RALGPS2: variants seen among roughly 807,000 people sequenced by gnomAD.
The protein encoded by RALGPS2 is ras-specific guanine nucleotide-releasing factor RalGPS2.
RALGPS2 carries 43 observed loss-of-function variants against 86.8 expected under a neutral mutation model. The ratio of observed to expected loss-of-function variants is 0.50; its 90% CI spans 0.39 to 0.64. The LOEUF is 0.64. RALGPS2 is among the 30% of genes least tolerant of loss of function. The pLI is 0.00. For missense variants in RALGPS2, 536 were observed against 694.6 expected, an observed-to-expected ratio of 0.77 and a Z score of 2.57; for synonymous variants, 243 against 231.3, an observed-to-expected ratio of 1.05 and a Z score of -0.46.
chr1:178,765,669 G>T (rs1652467794), intron 1 of RALGPS2, among the ~76,000 whole-genome samples: 2 of 152,172 alleles, frequency 1.3e-5, no homozygotes, highest in South Asian at 4.1e-4. Flanking sequence ...ATAAGCCTGA[G>T]AGCGCTATGG....
chr1:178,784,549 G>A (rs764098442), intron 3 of RALGPS2, 27 bp downstream of exon 3: 12 of 1,501,888 alleles, frequency 8.0e-6, no homozygotes, highest in African/African-American at 2.8e-5. Context: ...TGTCTTCTCC[G>A]GTTTTGCACA....
chr1:178,744,214 G>C (rs999174198), intron 1 of RALGPS2, among the ~76,000 whole-genome samples: 4 of 151,548 alleles, frequency 2.6e-5, no homozygotes, highest in African/African-American at 9.7e-5. Context: ...AAAAGCAATC[G>C]TTGTAATTCA....
intron 8 of RALGPS2, among the ~76,000 whole-genome samples, chr1:178,847,907 A>G (rs1656945152): frequency 6.6e-6 from 1 of 152,190 alleles, no homozygotes; most frequent in South Asian, 2.1e-4. Flanking sequence ...GCATTTTCCA[A>G]AATCTCAAAT....
At chr1:178,879,067 A>C in intron 10 of RALGPS2, 75 bp downstream of exon 10, 1 of 1,543,992 alleles carries the variant, frequency 6.5e-7, no homozygotes, top group Non-Finnish European at 8.7e-7. Flanking sequence ...GTATTTAAAC[A>C]TCTAAATCCT....
At chr1:178,911,325 T>C (rs935772012) in intron 19 of RALGPS2, among the ~76,000 whole-genome samples, 3 of 152,120 alleles carry the variant, frequency 2.0e-5, no homozygotes, top group African/African-American at 7.2e-5. Flanking sequence ...TGTTTTGTTT[T>C]TCTAGTTCCT....
At chr1:178,883,751 C>G (rs1485849872) in intron 11 of RALGPS2, among the ~76,000 whole-genome samples, 2 of 152,090 alleles carry the variant, frequency 1.3e-5, no homozygotes, top group African/African-American at 4.8e-5. Flanking sequence ...TTTGGGAGGC[C>G]GAGGCGGGCG....
At chr1:178,741,274 A>G (rs1333142560) in intron 1 of RALGPS2, among the ~76,000 whole-genome samples, 1 of 152,222 alleles carries the variant, frequency 6.6e-6, no homozygotes, top group African/African-American at 2.4e-5. Context: ...TGTTACTTTC[A>G]TTGTAAAGAT....
intron 10 of RALGPS2, among the ~76,000 whole-genome samples, chr1:178,883,063 T>TG (rs1659328683): frequency 6.6e-6 from 1 of 152,228 alleles, no homozygotes. Context: ...TTGGCAACTT[T>TG]GGGGTAATTG....
chr1:178,796,803 C>T (rs1053673321), intron 4 of RALGPS2, among the ~76,000 whole-genome samples: 1 of 152,044 alleles, frequency 6.6e-6, no homozygotes, highest in Non-Finnish European at 1.5e-5. Flanking sequence ...TTTTGCCCTC[C>T]CTGTGCTTCC....
chr1:178,893,258 T>TA (rs1295831938), intron 15 of RALGPS2, among the ~76,000 whole-genome samples: 4 of 151,500 alleles, frequency 2.6e-5, no homozygotes, highest in East Asian at 1.9e-4. Flanking sequence ...TTTTTTTTTT[T>TA]AAAAGATACA....
intron 4 of RALGPS2, among the ~76,000 whole-genome samples, chr1:178,791,901 A>T (rs974761067): frequency 2.0e-5 from 3 of 152,168 alleles, no homozygotes; most frequent in African/African-American, 7.2e-5. Flanking sequence ...AAAAAAGAAA[A>T]ATTCCAAGTC....
intron 1 of RALGPS2, among the ~76,000 whole-genome samples, chr1:178,758,539 CT>C (rs1381031980): frequency 2.0e-5 from 3 of 152,148 alleles, no homozygotes; most frequent in South Asian, 4.1e-4. Context: ...CCTACCCCCC[CT>C]GCCCTCATCC....
At chr1:178,861,055 A>G (rs925636842) in intron 8 of RALGPS2, among the ~76,000 whole-genome samples, 1 of 152,224 alleles carries the variant, frequency 6.6e-6, no homozygotes, top group Admixed American at 6.5e-5. Context: ...AATCCAGTCC[A>G]GCACTCTCAT....
intron 8 of RALGPS2, chr1:178,865,088 G>GAA (rs762706023): frequency 6.4e-7 from 1 of 1,556,984 alleles, no homozygotes. Context: ...CAGACCAGGA[G>GAA]TATACTGTTG....
intron 4 of RALGPS2, among the ~76,000 whole-genome samples, chr1:178,792,478 T>G (rs577219255): frequency 6.6e-6 from 1 of 152,200 alleles, no homozygotes; most frequent in Admixed American, 6.5e-5. Context: ...AATAAAATGC[T>G]ATTACACGGC....
chr1:178,767,139 G>T (rs1652542529), intron 1 of RALGPS2, among the ~76,000 whole-genome samples: 1 of 151,988 alleles, frequency 6.6e-6, no homozygotes. Context: ...AGAATTTTTT[G>T]ATTGGGCTTT....
chr1:178,882,955 AT>A (rs1659322861), intron 10 of RALGPS2, among the ~76,000 whole-genome samples: 2 of 152,232 alleles, frequency 1.3e-5, no homozygotes, highest in African/African-American at 4.8e-5. Flanking sequence ...AATAATACAT[AT>A]GAAAGTTTCT....
At chr1:178,808,022 T>C in intron 4 of RALGPS2, 23 bp from the exon 5 acceptor site, 1 of 1,507,116 alleles carries the variant, frequency 6.6e-7, no homozygotes, top group Non-Finnish European at 9.2e-7. Flanking sequence ...TACTTAAATT[T>C]AATTTTCACC....
At position 178,921,386 on chromosome 1, in the gene RALGPS2, A is replaced by G. The variant is rs1236802226; in HGVS notation, c.*5027A>G. 2.0e-5 allele frequency: 3 copies of G among 152,162 alleles called. No homozygotes were observed. The highest frequency in any genetic ancestry group is 3.4e-3 in the Middle Eastern group (1 of 294). 9.4% of individuals were successfully genotyped at this position (152,162 alleles called of 1,614,324 possible). On this transcript the variant is annotated 3_prime_UTR_variant, in exon 20 of 20. Coordinates refer to ENST00000367635, the MANE Select transcript of RALGPS2 (RefSeq NM_152663.5). ...ACCTACTAGAACTACTCACATATAT[A>G]GTCCAATAATTACTGACTTAATAGG...
Sources: gnomAD v4.1 joint callset for allele counts (sites outside exome capture counted in the v4.1 genomes callset) on GRCh38, gnomAD v4.1.1 for gene constraint, MANE v1.5 for transcripts, NCBI Gene and HGNC (gene_info 2026-07-23, HGNC 2026-07-21) for gene names.